Variants in GEMIN2 observed in about 807,000 individuals in gnomAD.
GEMIN2 encodes gem nuclear organelle associated protein 2.
GEMIN2 carries 37 observed loss-of-function variants against 45.8 expected under a neutral mutation model. The ratio of observed to expected loss-of-function variants is 0.81; its 90% confidence interval spans 0.62 to 1.06. The LOEUF (loss-of-function observed/expected upper bound fraction) is 1.06, where lower values mean the gene tolerates loss of function less well. GEMIN2 is among the 50% of genes least tolerant of loss of function. The pLI is 0.00. For missense variants in GEMIN2, 335 were observed against 321.8 expected (o/e 1.04, Z -0.31); for synonymous variants, 101 against 111.5 (o/e 0.91, Z 0.60).
At chr14:39,133,504 C>T (rs1298725365) in intron 8 of GEMIN2, among the ~76,000 whole-genome samples, 157 bp from the exon 9 acceptor site, 1 of 151,064 alleles carries the variant, frequency 6.6e-6, no homozygotes, top group African/African-American at 2.4e-5. Context: ...ATTAACTCTA[C>T]AGTTCTCTGC....
At chr14:39,130,319 AT>A (rs1331789366) in intron 7 of GEMIN2, among the ~76,000 whole-genome samples, 1 of 152,006 alleles carries the variant, frequency 6.6e-6, no homozygotes, top group East Asian at 1.9e-4. Flanking sequence ...TGCTATTTAA[AT>A]TTTGTCCTAA....
At chr14:39,129,411 T>A (rs2052686390) in intron 7 of GEMIN2, among the ~76,000 whole-genome samples, 1 of 152,106 alleles carries the variant, frequency 6.6e-6, no homozygotes, top group South Asian at 2.1e-4. Context: ...TTTATTTATT[T>A]TTTATTTATT....
Position 39,114,439 on chromosome 14 carries a change from C to T in GEMIN2, c.101C>T (p.Pro34Leu). 1 of 1,613,724 alleles carries T rather than the reference C, an allele frequency of 6.2e-7. No individual in the cohort carries two copies. The highest frequency in any genetic ancestry group is 1.1e-5 in the South Asian group (1 of 91,062). The change falls in exon 1 of 10, where the codon CCC (proline) becomes CTC (leucine). Residue 34 changes from proline (P) to leucine (L), a missense_variant. Transcript: ENST00000308317. ...ACGGAAGGTTTCGATCCCTCGGTAC[C>T]CCCGAGGACGCCTCAGGAATACCTG... is the stretch of plus-strand genomic sequence containing the variant. ...DLTEGFDPSV[P>L]PRTPQEYLRR...
At position 39,114,470 on chromosome 14, in the gene GEMIN2, G is replaced by A. The variant is rs1052738780; in HGVS notation, c.132G>A (p.Arg44=). ...PPRTPQEYLR[R]VQIEAAQCPD... ...GGACGCCTCAGGAATACCTGAGGCG[G>A]GTCCAGTGAGTGATTCGGCCCTGGG... The change falls in exon 1 of 10, where the codon CGG becomes CGA. Residue 44 remains arginine, a synonymous_variant. Coordinates refer to ENST00000308317, the MANE Select transcript of GEMIN2 (RefSeq NM_003616.3). 3 of 1,611,234 alleles carry A rather than the reference G, an allele frequency of 1.9e-6. No individual in the cohort carries two copies. Among genetic ancestry groups the A allele is most frequent in the Middle Eastern group, 1.7e-4 (1 of 6,050 alleles).
intron 6 of GEMIN2, among the ~76,000 whole-genome samples, chr14:39,127,817 C>T (rs1172540782): frequency 1.3e-5 from 2 of 152,040 alleles, no homozygotes; most frequent in Non-Finnish European, 2.9e-5. Flanking sequence ...CACCTGTGAT[C>T]GCAGCACTTT....
At chr14:39,127,463 C>T (rs2052659488) in intron 6 of GEMIN2, among the ~76,000 whole-genome samples, 1 of 151,422 alleles carries the variant, frequency 6.6e-6, no homozygotes, top group Non-Finnish European at 1.5e-5. Flanking sequence ...CGGCCTCAGC[C>T]TCCCTAGTAG....
Position 39,131,942 on chromosome 14 carries a change from T to C in GEMIN2, c.601-16T>C. ...CAGTATTTGTCTAAATATTAATTTTTTGAATTTTTTTTTAGGGAAGATGGC... is the reference window on the plus strand; with the variant it reads ...CAGTATTTGTCTAAATATTAATTTTCTGAATTTTTTTTTAGGGAAGATGGC... On this transcript the variant is annotated splice_polypyrimidine_tract_variant and intron_variant, in intron 7 of 9. Coordinates refer to ENST00000308317, the MANE Select transcript of GEMIN2 (RefSeq NM_003616.3). 7.5e-7 allele frequency: 1 copy of C among 1,328,514 alleles called. No individual in the cohort carries two copies. The allele number at this position is 1,328,514 out of a possible 1,614,324, so 82.3% of individuals were successfully genotyped here.
intron 1 of GEMIN2, 45 bp downstream of exon 1, chr14:39,114,520 C>G: frequency 7.0e-7 from 1 of 1,425,846 alleles, no homozygotes; most frequent in Non-Finnish European, 9.8e-7. Flanking sequence ...TTCTGCCCTG[C>G]CCCTGGGTAC....
intron 1 of GEMIN2, 57 bp downstream of exon 1, chr14:39,114,532 GC>G (rs1312425509): frequency 2.4e-6 from 3 of 1,266,468 alleles, no homozygotes; most frequent in African/African-American, 1.5e-5. Flanking sequence ...CCTGGGTACA[GC>G]CCTCGGTGCT....
chr14:39,126,389 A>C (rs1185919993), intron 6 of GEMIN2, among the ~76,000 whole-genome samples: 1 of 152,124 alleles, frequency 6.6e-6, no homozygotes. Flanking sequence ...TGTGTTGTCC[A>C]GGCTGGTCTG....
chr14:39,127,905 T>C (rs1311864881), intron 6 of GEMIN2, among the ~76,000 whole-genome samples: 2 of 151,702 alleles, frequency 1.3e-5, no homozygotes, highest in Admixed American at 1.3e-4. Context: ...CTGTCTCTAC[T>C]AAAAATACAA....
intron 4 of GEMIN2, chr14:39,121,985 T>G (rs1042574639): frequency 5.7e-6 from 1 of 175,240 alleles, no homozygotes; most frequent in African/African-American, 2.4e-5. Context: ...CCTCCCAAAG[T>G]GCTGGGATTA....
intron 8 of GEMIN2, among the ~76,000 whole-genome samples, chr14:39,132,976 GT>G (rs2052737178): frequency 1.5e-4 from 3 of 20,116 alleles, no homozygotes; most frequent in Admixed American, 4.0e-4. Context: ...ACTGCACCTG[GT>G]GTGTGTGTGT....
rs1451554885 is a variant in GEMIN2 at position 39,118,036 on chromosome 14, C to T, written c.260C>T (p.Pro87Leu). The T allele has an allele frequency of 6.2e-7, 1 of 1,608,382 alleles. No homozygotes were observed. The highest frequency in any genetic ancestry group is 8.5e-7 in the Non-Finnish European group (1 of 1,176,164). The part of the protein sequence containing the change: ...GCQPAPEGYS[P>L]TLQWQQQQVA... ...CAACCCGCCCCTGAAGGTTATTCCC[C>T]AACACTTCAATGGCAACAGCAACAA... Residue 87 changes from proline (P) to leucine (L), a missense_variant, in exon 3 of 10, where the codon CCA becomes CTA. Transcript: ENST00000308317.
At chr14:39,119,622 C>CGGA (rs1241885986) in intron 4 of GEMIN2, among the ~76,000 whole-genome samples, 6 of 152,220 alleles carry the variant, frequency 3.9e-5, no homozygotes, top group African/African-American at 1.4e-4. Context: ...ATTTTAGAAG[C>CGGA]TTCCTTTAGG....
chr14:39,126,418 G>A (rs554064817), intron 6 of GEMIN2, among the ~76,000 whole-genome samples: 28 of 152,024 alleles, frequency 1.8e-4, no homozygotes, highest in East Asian at 1.7e-3. Context: ...GAGCTCAAGC[G>A]ATCCTCCCAC....
At chr14:39,130,895 G>GAA (rs796388488) in intron 7 of GEMIN2, among the ~76,000 whole-genome samples, 3 of 138,968 alleles carry the variant, frequency 2.2e-5, no homozygotes, top group Non-Finnish European at 4.7e-5. Context: ...ACTCCATCTC[G>GAA]AAAAAAAAAA....
In GEMIN2 at chr14:39,125,026, G is replaced by C. The variant is rs899041385; in HGVS notation, c.521G>C (p.Arg174Thr). Residue 174 changes from arginine (R) to threonine (T), a missense_variant, in exon 6 of 10, where the codon AGA becomes ACA. Arg to Thr is a moderately conservative substitution (Grantham distance 71). Transcript: ENST00000308317. ...GFPPLLSIVSRMNQATVTSVL... is the reference protein window; with the variant it reads ...GFPPLLSIVSTMNQATVTSVL... ...CCTCCCTTGCTTAGTATTGTTAGCA[G>C]AATGAATCAGGTAAAATTAATAATA... 4 of 1,452,244 alleles carry C rather than the reference G, an allele frequency of 2.8e-6. No homozygotes were observed. The highest frequency in any genetic ancestry group is 3.9e-6 in the Non-Finnish European group (4 of 1,035,470). 90.0% of individuals were successfully genotyped at this position (1,452,244 alleles called of 1,614,324 possible). A position where few individuals can be genotyped will look rare whatever the true frequency, so the allele number is the denominator to read the frequency against.
In GEMIN2 at chr14:39,132,069, G is replaced by GT; in HGVS notation, c.711+2dup. 3 of 1,406,040 alleles carry GT rather than the reference G, an allele frequency of 2.1e-6. No homozygotes were observed. The highest frequency in any genetic ancestry group is 2.0e-6 in the Non-Finnish European group (2 of 991,274). The allele number at this position is 1,406,040 out of a possible 1,614,324, so 87.1% of individuals were successfully genotyped here. ...GTGCTCTGAAGTGAGGCTCTTAGTG[G>GT]TAAGTTGCAACTTACTGTTTAAAAT... On this transcript the variant is annotated splice_donor_variant, in intron 8 of 9. Transcript: ENST00000308317. LOFTEE classifies it high-confidence loss of function.
Sources: allele counts gnomAD v4.1 joint callset (sites outside exome capture counted in the v4.1 genomes callset), GRCh38; gene constraint gnomAD v4.1.1; transcripts MANE v1.5; gene names NCBI Gene and HGNC (gene_info 2026-07-23, HGNC 2026-07-21).